PRKX: variants seen among roughly 807,000 people sequenced by gnomAD.
PRKX encodes protein kinase cAMP-dependent X-linked catalytic subunit.
A neutral mutation model predicts 22.0 loss-of-function variants in PRKX; 12 were observed. The observed-to-expected ratio is 0.54, with a 90% CI of 0.35 to 0.88. PRKX has a LOEUF of 0.88. Among genes scored for constraint, PRKX ranks in the 40% least tolerant of loss-of-function variants. PRKX has a pLI of 0.01. For missense variants in PRKX, 217 were observed against 308.0 expected, an observed-to-expected ratio of 0.70 and a Z score of 2.21; for synonymous variants, 134 against 137.7, an observed-to-expected ratio of 0.97 and a Z score of 0.19.
chrX:3,662,587 T>C (rs1461374686), intron 2 of PRKX, among the ~76,000 whole-genome samples: 1 of 102,138 alleles, frequency 9.8e-6, no homozygotes, highest in Non-Finnish European at 2.0e-5. Context: ...CCCAGCTACT[T>C]GGGAGGCTGA....
At chrX:3,685,511 C>T (rs1194973082) in intron 1 of PRKX, among the ~76,000 whole-genome samples, 2 of 111,288 alleles carry the variant, frequency 1.8e-5, no homozygotes, top group Admixed American at 1.9e-4. Flanking sequence ...AGTGAAATAA[C>T]ACACAGAAAG....
intron 2 of PRKX, among the ~76,000 whole-genome samples, chrX:3,666,913 A>ATTT (rs1569055320): frequency 2.2e-5 from 2 of 89,760 alleles, no homozygotes; most frequent in African/African-American, 7.7e-5. Flanking sequence ...ATTTCTTTTA[A>ATTT]AAAAAAAAAA....
At chrX:3,670,621 C>T (rs1182841932) in intron 2 of PRKX, among the ~76,000 whole-genome samples, 1 of 110,767 alleles carries the variant, frequency 9.0e-6, no homozygotes, top group East Asian at 2.8e-4. Flanking sequence ...TCTCGGCTCA[C>T]TGCAATCTCC....
intron 4 of PRKX, among the ~76,000 whole-genome samples, chrX:3,638,718 A>C (rs761740076): frequency 7.0e-4 from 78 of 111,148 alleles, no homozygotes; most frequent in Non-Finnish European, 1.3e-3. Flanking sequence ...GTAGAGATAG[A>C]GGGATAGGTA....
intron 2 of PRKX, among the ~76,000 whole-genome samples, chrX:3,673,084 G>C (rs1927879883): frequency 9.0e-6 from 1 of 111,688 alleles, no homozygotes; most frequent in Non-Finnish European, 1.9e-5. Flanking sequence ...AGCTTAGGCA[G>C]CATTGGGTCT....
chrX:3,613,150 CAAAAAAAAAAAAAAAAAAAAAAAA>C (rs528688936), intron 7 of PRKX, among the ~76,000 whole-genome samples: 20 of 54,292 alleles, frequency 3.7e-4, no homozygotes, highest in Non-Finnish European at 4.1e-4. Flanking sequence ...GACTTCGTCT[CAAAAAAAAAAAAAAAAAAAAAAAA>C]AAAAAAAAAA....
chrX:3,636,382 T>C (rs1169220878), intron 4 of PRKX, among the ~76,000 whole-genome samples: 1 of 112,779 alleles, frequency 8.9e-6, no homozygotes, highest in Non-Finnish European at 1.9e-5. Flanking sequence ...GAGAGCAGCT[T>C]GGGAGCATTG....
intron 1 of PRKX, among the ~76,000 whole-genome samples, chrX:3,694,677 A>T (rs1298159765): frequency 1.8e-5 from 2 of 112,525 alleles, no homozygotes; most frequent in East Asian, 5.6e-4. Flanking sequence ...ACTTATTTGG[A>T]AATAAGGAAC....
intron 3 of PRKX, among the ~76,000 whole-genome samples, chrX:3,642,397 C>T (rs1224387927): frequency 9.0e-6 from 1 of 110,622 alleles, no homozygotes; most frequent in Non-Finnish European, 1.9e-5. Context: ...CTCACATGTT[C>T]TCACTTGTAT....
At chrX:3,686,785 T>C (rs1373334117) in intron 1 of PRKX, among the ~76,000 whole-genome samples, 1 of 111,551 alleles carries the variant, frequency 9.0e-6, no homozygotes, top group Non-Finnish European at 1.9e-5. Context: ...CTCCAACTCC[T>C]GACCTCAGGT....
intron 1 of PRKX, among the ~76,000 whole-genome samples, chrX:3,680,645 C>T (rs1247992890): frequency 1.8e-5 from 2 of 112,250 alleles, no homozygotes; most frequent in African/African-American, 3.2e-5. Context: ...GCCTTTATCC[C>T]GAATGTTTAG....
intron 1 of PRKX, among the ~76,000 whole-genome samples, chrX:3,678,004 G>A (rs1271369674): frequency 8.9e-6 from 1 of 112,001 alleles, no homozygotes; most frequent in Non-Finnish European, 1.9e-5. Context: ...AAAATTAGGT[G>A]GAATCAGGTC....
Position 3,608,619 on chromosome X carries a change from A to ACG in PRKX, c.*349_*350insCG, listed in dbSNP as rs1341583464. On this transcript the variant is annotated 3_prime_UTR_variant, in exon 9 of 9. Transcript: ENST00000262848. The stretch of plus-strand genomic sequence containing the variant: ...CACACACACACACACACACACACAC[A>ACG]CACAATTTGTGGTTATAATCGAACA... 1.2e-5 allele frequency: 1 copy of ACG among 82,473 alleles called. No homozygotes were observed. The highest frequency in any genetic ancestry group is 5.1e-5 in the African/African-American group (1 of 19,483). 6.8% of individuals were successfully genotyped at this position (82,473 alleles called of 1,213,427 possible).
chrX:3,679,297 T>C (rs1904980631), intron 1 of PRKX, among the ~76,000 whole-genome samples: 1 of 112,143 alleles, frequency 8.9e-6, no homozygotes, highest in Middle Eastern at 4.6e-3. Context: ...ATCCCACTTA[T>C]AAGTGAGAAC....
At chrX:3,675,915 T>C (rs1353254574) in intron 1 of PRKX, among the ~76,000 whole-genome samples, 1 of 111,008 alleles carries the variant, frequency 9.0e-6, no homozygotes, top group East Asian at 2.8e-4. Flanking sequence ...CAGTTAATTT[T>C]TGTACTTTTT....
intron 2 of PRKX, among the ~76,000 whole-genome samples, chrX:3,663,439 C>CACAA (rs1292534641): frequency 1.3e-5 from 1 of 76,840 alleles, no homozygotes. Flanking sequence ...CACACACACA[C>CACAA]ACACACACAC....
chrX:3,665,114 A>G (rs1394746807), intron 2 of PRKX, among the ~76,000 whole-genome samples: 2 of 111,669 alleles, frequency 1.8e-5, no homozygotes, highest in Non-Finnish European at 3.8e-5. Flanking sequence ...GTGCATGCAT[A>G]TATGTGTGCG....
At chrX:3,693,911 G>T (rs1359679605) in intron 1 of PRKX, among the ~76,000 whole-genome samples, 4 of 93,014 alleles carry the variant, frequency 4.3e-5, no homozygotes, top group Non-Finnish European at 8.3e-5. Context: ...CTGCACTCCA[G>T]CCTGGACAAC....
chrX:3,629,996 A>C (rs1306628212), intron 4 of PRKX, among the ~76,000 whole-genome samples: 1 of 112,257 alleles, frequency 8.9e-6, no homozygotes, highest in African/African-American at 3.2e-5. Context: ...AAATACATGC[A>C]AATACAGCCT....
Sources: gnomAD v4.1 joint callset for allele counts (sites outside exome capture counted in the v4.1 genomes callset) on GRCh38, gnomAD v4.1.1 for gene constraint, MANE v1.5 for transcripts, NCBI Gene and HGNC (gene_info 2026-07-23, HGNC 2026-07-21) for gene names.